The following SORCS1 variants were observed in gnomAD, a reference collection of about 807,000 sequenced individuals.
SORCS1 encodes VPS10 domain-containing receptor SorCS1.
SORCS1 carries 60 observed loss-of-function variants against 146.1 expected under a neutral mutation model. The observed-to-expected ratio is 0.41, with a 90% CI of 0.33 to 0.51. The LOEUF is 0.51. Among genes scored for constraint, SORCS1 ranks in the 20% least tolerant of loss-of-function variants. The pLI is 0.21. For synonymous variants in SORCS1, 637 were observed against 584.0 expected (o/e 1.09, Z -1.31); for missense variants, 1,352 against 1,487.6 (o/e 0.91, Z 1.50).
At position 106,850,234 on chromosome 10, in the gene SORCS1, C is replaced by T. The variant is rs571580540; in HGVS notation, c.627-20561G>A. On this transcript the variant is annotated intron_variant, in intron 2 of 25. Coordinates refer to ENST00000263054, the MANE Select transcript of SORCS1 (RefSeq NM_052918.5). The stretch of plus-strand genomic sequence containing the variant: ...CTCAGACTGCTGTGCTAGCAATCAG[C>T]GAGACTCCGTGGGTGGAGGACCCTC... Among the ~76,000 whole-genome samples, 518 of 151,254 alleles carry T rather than the reference C, an allele frequency of 3.4e-3. 2 individuals are homozygous for T. The highest frequency in any genetic ancestry group is 5.0e-3 in the Non-Finnish European group (342 of 67,944).
intron 1 of SORCS1, among the ~76,000 whole-genome samples, chr10:107,110,535 G>T (rs2134450513): frequency 6.6e-6 from 1 of 152,066 alleles, no homozygotes; most frequent in African/African-American, 2.4e-5. Flanking sequence ...TAAATGACTA[G>T]ATCTCATGAG....
intron 24 of SORCS1, among the ~76,000 whole-genome samples, chr10:106,596,274 C>T (rs1845899022): frequency 6.6e-6 from 1 of 152,196 alleles, no homozygotes; most frequent in South Asian, 2.1e-4. Context: ...TTCCCCACAC[C>T]ACAACCAGGT....
chr10:106,765,436 T>G (rs1012673496), intron 4 of SORCS1, among the ~76,000 whole-genome samples: 3 of 152,144 alleles, frequency 2.0e-5, no homozygotes, highest in African/African-American at 7.2e-5. Flanking sequence ...TTGTTTGCTT[T>G]AAGAAGAATG....
At chr10:107,129,215 G>C (rs923016566) in intron 1 of SORCS1, among the ~76,000 whole-genome samples, 1 of 152,194 alleles carries the variant, frequency 6.6e-6, no homozygotes, top group Non-Finnish European at 1.5e-5. Context: ...ATAGATATAA[G>C]CAAATGAATG....
intron 13 of SORCS1, among the ~76,000 whole-genome samples, chr10:106,675,738 A>G (rs1055102989): frequency 4.6e-5 from 7 of 152,214 alleles, no homozygotes; most frequent in Non-Finnish European, 7.3e-5. Context: ...TCAAATGTTG[A>G]ATATCTAATC....
rs763922772 is a variant in SORCS1, at chr10:106,699,232, G to A, written c.1395C>T (p.Ile465=). Residue 465 remains isoleucine, a synonymous_variant, in exon 9 of 26, where the codon ATC becomes ATT. Coordinates refer to ENST00000263054, the MANE Select transcript of SORCS1 (RefSeq NM_052918.5). ...VQSSRGPEGN[I]MIDLYEVAGI... ...GACATACCTCATAGAGGTCGATCAT[G>A]ATGTTGCCCTCAGGGCCTCTGCTGC... The A allele has an allele frequency of 6.8e-6, 11 of 1,612,932 alleles. No homozygotes were observed. The African/African-American group carries it at 1.5e-4, about 22-fold the overall frequency.
chr10:107,080,951 T>C (rs1049997019), intron 1 of SORCS1, among the ~76,000 whole-genome samples: 1 of 152,218 alleles, frequency 6.6e-6, no homozygotes, highest in Non-Finnish European at 1.5e-5. Flanking sequence ...AGAGTTACTG[T>C]GTTAAGTATA....
intron 3 of SORCS1, among the ~76,000 whole-genome samples, chr10:106,813,897 G>A (rs1025009647): frequency 6.6e-6 from 1 of 152,194 alleles, no homozygotes; most frequent in Non-Finnish European, 1.5e-5. Context: ...AGGCTGCAGT[G>A]AGCTATGATC....
intron 24 of SORCS1, among the ~76,000 whole-genome samples, chr10:106,581,253 T>C (rs1417886397): frequency 1.3e-5 from 2 of 152,068 alleles, no homozygotes; most frequent in African/African-American, 4.8e-5. Context: ...TTGGTTAGTG[T>C]TGTTTTAAAA....
intron 1 of SORCS1, among the ~76,000 whole-genome samples, chr10:107,136,836 C>T (rs1055023298): frequency 3.3e-5 from 5 of 152,124 alleles, no homozygotes; most frequent in Admixed American, 2.0e-4. Flanking sequence ...TGACAGCCTC[C>T]CTGCACTCCA....
chr10:106,948,779 G>A (rs1366524995), intron 2 of SORCS1, among the ~76,000 whole-genome samples: 3 of 152,120 alleles, frequency 2.0e-5, no homozygotes, highest in East Asian at 1.9e-4. Context: ...CTAACATGGT[G>A]AAACCGCGTC....
At chr10:107,081,380 T>G (rs1488968516) in intron 1 of SORCS1, among the ~76,000 whole-genome samples, 1 of 152,234 alleles carries the variant, frequency 6.6e-6, no homozygotes, top group Non-Finnish European at 1.5e-5. Flanking sequence ...GTTGACTTGA[T>G]TGCTTTTTAT....
chr10:106,787,815 C>A (rs963543582), intron 3 of SORCS1, among the ~76,000 whole-genome samples: 12 of 152,228 alleles, frequency 7.9e-5, no homozygotes, highest in African/African-American at 2.4e-4. Flanking sequence ...ACCATGAAGT[C>A]CAATTATAAA....
rs553032484 is a variant in SORCS1 at position 107,034,680 on chromosome 10, C to CAAAAAAAAAAAAAAAAAAAAAAAA, written c.559-78124_559-78101dup. On this transcript the variant is annotated intron_variant, in intron 1 of 25. Transcript: ENST00000263054. ...GGGAAACATGAGCGAAACTCCATCTCAAAAAAAAAAAAAAAAAAAAAAAAA... is the reference window on the plus strand; with the variant it reads ...GGGAAACATGAGCGAAACTCCATCTCAAAAAAAAAAAAAAAAAAAAAAAAAAAAAAAAAAAAAAAAAAAAAAAAA... Among the ~76,000 whole-genome samples, 9 of 13,794 alleles carry CAAAAAAAAAAAAAAAAAAAAAAAA rather than the reference C, an allele frequency of 6.5e-4. 1 individual carries two copies. The highest frequency in any genetic ancestry group is 2.8e-3 in the East Asian group (1 of 360). The allele number at this position is 13,794 out of a possible 152,430, so 9.0% of individuals were successfully genotyped here. A position where few individuals can be genotyped will look rare whatever the true frequency, so the allele number is the denominator to read the frequency against.
intron 24 of SORCS1, among the ~76,000 whole-genome samples, chr10:106,582,138 T>TACACAC (rs59775337): frequency 8.0e-5 from 12 of 149,254 alleles, no homozygotes; most frequent in East Asian, 2.0e-4. Context: ...CACAAACACA[T>TACACAC]ACACACACAC....
intron 3 of SORCS1, among the ~76,000 whole-genome samples, chr10:106,818,759 AT>A (rs1347308788): frequency 6.6e-6 from 1 of 152,210 alleles, no homozygotes; most frequent in Non-Finnish European, 1.5e-5. Flanking sequence ...CTACGTCAAG[AT>A]ATGCATTGTG....
At chr10:107,005,011 C>A (rs539052421) in intron 1 of SORCS1, among the ~76,000 whole-genome samples, 1 of 152,244 alleles carries the variant, frequency 6.6e-6, no homozygotes, top group Non-Finnish European at 1.5e-5. Flanking sequence ...TAATGTAAAC[C>A]ACTGAAAAAC....
chr10:106,829,529 A>T (rs777430102), intron 3 of SORCS1, 45 bp downstream of exon 3: 1 of 1,431,098 alleles, frequency 7.0e-7, no homozygotes, highest in East Asian at 2.3e-5. Flanking sequence ...ACCAAGACAG[A>T]AGTCACATCA....
At chr10:106,695,663 T>C (rs1853642342) in intron 9 of SORCS1, among the ~76,000 whole-genome samples, 2 of 152,276 alleles carry the variant, frequency 1.3e-5, no homozygotes, top group Admixed American at 6.5e-5. Flanking sequence ...ATGCCTGGCA[T>C]AAAGTGGCCC....
Sources: allele counts gnomAD v4.1 joint callset (sites outside exome capture counted in the v4.1 genomes callset), GRCh38; gene constraint gnomAD v4.1.1; transcripts MANE v1.5; gene names NCBI Gene and HGNC (gene_info 2026-07-23, HGNC 2026-07-21).